The following SNAP91 variants were observed in gnomAD, a reference collection of about 807,000 sequenced individuals.
SNAP91 encodes synaptosome associated protein 91.
In SNAP91, 27 loss-of-function variants were observed where a neutral mutation model predicts 100.3. The ratio of observed to expected loss-of-function variants is 0.27; its 90% CI spans 0.20 to 0.37. The LOEUF is 0.37. SNAP91 is among the 10% of genes least tolerant of loss of function. The pLI, the probability that SNAP91 is intolerant of heterozygous loss-of-function variation, is 1.00. For missense variants in SNAP91, 986 were observed against 1,123.7 expected (o/e 0.88, Z 1.75); for synonymous variants, 404 against 398.6 (o/e 1.01, Z -0.16).
At chr6:83,708,793 C>A (rs1000570081) in intron 1 of SNAP91, 52 bp downstream of exon 1, 2 of 152,134 alleles carry the variant, frequency 1.3e-5, no homozygotes, top group African/African-American at 2.4e-5. Flanking sequence ...TCTGCGGATC[C>A]CCGCGAGACC....
intron 7 of SNAP91, 66 bp downstream of exon 7, chr6:83,656,688 C>A: frequency 1.5e-6 from 1 of 672,242 alleles, no homozygotes; most frequent in South Asian, 2.1e-5. Context: ...CAGACTCACC[C>A]CACAGAATTC....
intron 8 of SNAP91, among the ~76,000 whole-genome samples, chr6:83,638,625 A>C (rs2097554637): frequency 6.6e-6 from 1 of 152,196 alleles, no homozygotes; most frequent in Non-Finnish European, 1.5e-5. Flanking sequence ...GCATTTTTTA[A>C]AATAAAAATA....
At position 83,559,164 on chromosome 6, in the gene SNAP91, G is replaced by A. The variant is rs79118312; in HGVS notation, c.2631+940C>T. ...GTTTATGCTAACAAGGTGACTCAGA[G>A]TGGAGGCAGAAAGCCCAACCATGAG... On this transcript the variant is annotated intron_variant, in intron 28 of 29. Transcript: ENST00000369694. 7.4e-3 allele frequency among the ~76,000 whole-genome samples: 1,128 copies of A among 152,300 alleles called. 17 individuals carry two copies. The highest frequency in any genetic ancestry group is 0.025 in the African/African-American group (1,056 of 41,564).
At chr6:83,628,600 T>C (rs1281544712) in intron 8 of SNAP91, among the ~76,000 whole-genome samples, 1 of 152,074 alleles carries the variant, frequency 6.6e-6, no homozygotes, top group African/African-American at 2.4e-5. Flanking sequence ...GCAGTTTTGA[T>C]TTGCATTTCC....
At chr6:83,666,848 C>A (rs920316068) in intron 2 of SNAP91, among the ~76,000 whole-genome samples, 2 of 152,016 alleles carry the variant, frequency 1.3e-5, no homozygotes, top group African/African-American at 4.8e-5. Flanking sequence ...CTTTCAAATG[C>A]AGTCCCATGT....
chr6:83,582,305 T>C lies in SNAP91; in HGVS notation c.2066A>G (p.Gln689Arg), dbSNP rs760187135. 1.7e-5 allele frequency: 28 copies of C among 1,613,530 alleles called. No individual in the cohort carries two copies. In the East Asian group the frequency reaches 5.8e-4, roughly 33 times the overall value. ...APSPSPVTPA[Q>R]NNLLQPNFEA... ...AAAATTGGGCTGTAGCAGGTTATTC[T>C]GAGCTGGAGTCACTGGAGATGGGGA... Residue 689 changes from glutamine (Q) to arginine (R), a missense_variant, in exon 23 of 30, where the codon CAG becomes CGG. Transcript: ENST00000369694.
chr6:83,685,013 C>A (rs2099041959), intron 2 of SNAP91, among the ~76,000 whole-genome samples: 1 of 152,174 alleles, frequency 6.6e-6, no homozygotes, highest in South Asian at 2.1e-4. Flanking sequence ...TGTTAAAATT[C>A]TCTTTAAAGA....
intron 29 of SNAP91, among the ~76,000 whole-genome samples, chr6:83,555,754 A>G (rs1240833214): frequency 6.6e-6 from 1 of 152,234 alleles, no homozygotes; most frequent in Non-Finnish European, 1.5e-5. Context: ...AAATAAAAAT[A>G]CAATTATGCA....
intron 27 of SNAP91, 37 bp downstream of exon 27, chr6:83,560,827 A>C: frequency 3.2e-6 from 5 of 1,553,334 alleles, no homozygotes; most frequent in Non-Finnish European, 4.4e-6. Flanking sequence ...TTATTTAGAA[A>C]TGTTGATTAC....
chr6:83,652,380 C>A (rs142128247), intron 7 of SNAP91, among the ~76,000 whole-genome samples: 1 of 151,830 alleles, frequency 6.6e-6, no homozygotes, highest in Non-Finnish European at 1.5e-5. Flanking sequence ...TTCTTTTTTA[C>A]TTTTTTAGTG....
chr6:83,638,998 T>C (rs562294939), intron 8 of SNAP91, among the ~76,000 whole-genome samples: 35 of 152,344 alleles, frequency 2.3e-4, no homozygotes, highest in Non-Finnish European at 3.8e-4. Flanking sequence ...GATAAGAATA[T>C]AAGGCATAGT....
At chr6:83,620,223 A>C (rs901626308) in intron 9 of SNAP91, among the ~76,000 whole-genome samples, 1 of 152,170 alleles carries the variant, frequency 6.6e-6, no homozygotes, top group Non-Finnish European at 1.5e-5. Flanking sequence ...TCATTTTTTA[A>C]GTTATGAGCA....
At chr6:83,618,788 A>C (rs1439269613) in intron 9 of SNAP91, among the ~76,000 whole-genome samples, 1 of 151,960 alleles carries the variant, frequency 6.6e-6, no homozygotes, top group African/African-American at 2.4e-5. Flanking sequence ...TAAGGAAAAA[A>C]AATAAGCCAT....
intron 10 of SNAP91, 122 bp from the exon 11 acceptor site, chr6:83,614,984 G>C: frequency 1.4e-6 from 1 of 693,256 alleles, no homozygotes; most frequent in Non-Finnish European, 2.4e-6. Flanking sequence ...AGCCAATTCA[G>C]AAGAGAAATA....
At chr6:83,630,868 T>C (rs1409746012) in intron 8 of SNAP91, among the ~76,000 whole-genome samples, 1 of 152,142 alleles carries the variant, frequency 6.6e-6, no homozygotes, top group African/African-American at 2.4e-5. Context: ...GGTTATTTCC[T>C]TTCTTCTGCG....
At chr6:83,646,329 T>C (rs1232721514) in intron 7 of SNAP91, among the ~76,000 whole-genome samples, 1 of 152,210 alleles carries the variant, frequency 6.6e-6, no homozygotes, top group Non-Finnish European at 1.5e-5. Flanking sequence ...TTCTCCTATG[T>C]TACCTTCCAG....
At position 83,707,910 on chromosome 6, in the gene SNAP91, G is replaced by C. The variant is rs61739350; in HGVS notation, c.18C>G (p.Leu6=). 4.8e-3 allele frequency: 7,685 copies of C among 1,590,372 alleles called. 300 individuals are homozygous for C. In the African/African-American group the frequency reaches 0.082, roughly 17 times the overall value. Reference sequence around the variant, plus strand: ...ACTGAGCGGCGGCGATCCGATCCGTGAGCGTTTGGCCCGACATCTTCTGTG... The same window carrying C: ...ACTGAGCGGCGGCGATCCGATCCGTCAGCGTTTGGCCCGACATCTTCTGTG... The part of the protein sequence containing the change: MSGQT[L]TDRIAAAQYS... The change falls in exon 2 of 30, where the codon CTC becomes CTG. Residue 6 remains leucine (L), a synonymous_variant. Transcript: ENST00000369694.
chr6:83,610,710 A>T (rs1583606830), intron 11 of SNAP91, 33 bp from the exon 12 acceptor site: 6 of 211,260 alleles, frequency 2.8e-5, no homozygotes, highest in Non-Finnish European at 4.6e-5. Context: ...ATTAAAACTG[A>T]ATATATATAT....
At chr6:83,611,531 C>A (rs749083215) in intron 11 of SNAP91, 31 of 434,090 alleles carry the variant, frequency 7.1e-5, no homozygotes, top group Non-Finnish European at 1.2e-4. Flanking sequence ...CGCCTTACTG[C>A]ATGGCAGGGA....
Sources: gnomAD v4.1 joint callset for allele counts (sites outside exome capture counted in the v4.1 genomes callset) on GRCh38, gnomAD v4.1.1 for gene constraint, MANE v1.5 for transcripts, NCBI Gene and HGNC (gene_info 2026-07-23, HGNC 2026-07-21) for gene names.